Variants in ATP2B2 observed in about 807,000 individuals in gnomAD.
ATP2B2 encodes ATPase plasma membrane Ca2+ transporting 2, also known as plasma membrane calcium-transporting ATPase 2.
Under a neutral mutation model 120.0 loss-of-function variants are expected in ATP2B2, and 15 were observed. The ratio of observed to expected loss-of-function variants is 0.12; its 90% confidence interval spans 0.08 to 0.19. The LOEUF is 0.19. ATP2B2 is among the 10% of genes least tolerant of loss of function. The probability of loss-of-function intolerance (pLI) is 1.00; values close to 1 mark genes in which losing one functional copy is unlikely to be tolerated. For synonymous variants in ATP2B2, 694 were observed against 700.3 expected (o/e 0.99, Z 0.14); for missense variants, 1,045 against 1,719.8 (o/e 0.61, Z 6.94).
At chr3:10,616,032 G>T (rs1455762018) in intron 2 of ATP2B2, among the ~76,000 whole-genome samples, 2 of 152,130 alleles carry the variant, frequency 1.3e-5, no homozygotes, top group Admixed American at 6.5e-5. Flanking sequence ...TAAGGATGGA[G>T]ACATGAGTTT....
At chr3:10,456,950 C>A (rs540899636) in intron 1 of ATP2B2, among the ~76,000 whole-genome samples, 1 of 152,348 alleles carries the variant, frequency 6.6e-6, no homozygotes, top group South Asian at 2.1e-4. Context: ...GGGCCAACAG[C>A]TCCTCCCTTG....
chr3:10,342,834 C>A lies in ATP2B2; in HGVS notation c.2835G>T (p.Pro945=), dbSNP rs374714860. 1.4e-5 allele frequency: 22 copies of A among 1,613,822 alleles called. No individual in the cohort carries two copies. Among genetic ancestry groups the A allele is most frequent in the Non-Finnish European group, 1.9e-5 (22 of 1,179,928 alleles). ...TCTTCATCATGGTCCTGGAGATGAG[C>A]GGCTTGTTGCGGCCGTACGGCTTCC... The part of the protein sequence containing the change: ...LLRKPYGRNK[P]LISRTMMKNI... The change falls in exon 19 of 23, where the codon CCG becomes CCT. Residue 945 remains proline, a synonymous_variant. Coordinates refer to ENST00000360273, the MANE Select transcript of ATP2B2 (RefSeq NM_001001331.4). The surrounding 1 kb of genome is among the most constrained non-coding windows in gnomAD (Gnocchi z 4.4).
rs371691192 is a variant in ATP2B2 at position 10,612,115 on chromosome 3, G to A, written c.-415+7802C>T. 2.1e-4 allele frequency among the ~76,000 whole-genome samples: 32 copies of A among 152,234 alleles called. 1 individual carries two copies. In the East Asian group the frequency reaches 4.2e-3, roughly 20 times the overall value. On this transcript the variant is annotated intron_variant, in intron 2 of 21. Coordinates refer to the ATP2B2 transcript ENST00000646379. ...CCTACAACTCCTGGCTCAGCACTGG[G>A]CACACGGCAGGTGCTGCATATGCTC... is the stretch of plus-strand genomic sequence containing the variant.
chr3:10,665,284 G>C (rs1272254279), intron 1 of ATP2B2, among the ~76,000 whole-genome samples: 2 of 152,136 alleles, frequency 1.3e-5, no homozygotes, highest in Admixed American at 6.5e-5. Context: ...TGCACAGGCT[G>C]AGCTCTCTGT....
At chr3:10,485,518 C>T (rs375257452) in intron 1 of ATP2B2, among the ~76,000 whole-genome samples, 4 of 152,200 alleles carry the variant, frequency 2.6e-5, no homozygotes, top group South Asian at 2.1e-4. Context: ...TCCTCTCCTG[C>T]GCCCGCTCCC....
chr3:10,397,888 C>G (rs2062092793), intron 5 of ATP2B2, among the ~76,000 whole-genome samples: 1 of 152,212 alleles, frequency 6.6e-6, no homozygotes, highest in Non-Finnish European at 1.5e-5. Context: ...CCAACTGTTA[C>G]AGAATTCTCT....
Position 10,329,065 on chromosome 3 carries a change from G to C in ATP2B2, c.3481C>G (p.Arg1161Gly). Residue 1161 changes from arginine (R) to glycine (G), a missense_variant, in exon 23 of 23, where the codon CGA becomes GGA. Transcript: ENST00000360273. The surrounding 1 kb of genome is among the most constrained non-coding windows in gnomAD (Gnocchi z 5.9). ...LYEGLEKPES[R>G]TSIHNFMAHP... The stretch of plus-strand genomic sequence containing the variant: ...GCCATGAAGTTATGGATGGAGGTTC[G>C]AGATTCAGGCTTTTCTAAACCTTCA... 6.2e-7 allele frequency: 1 copy of C among 1,613,722 alleles called. No homozygotes were observed.
In ATP2B2 at chr3:10,510,785, C is replaced by T. The variant is rs140951431; in HGVS notation, c.-320+23254G>A. Among the ~76,000 whole-genome samples the T allele has an allele frequency of 7.2e-3, 1,103 of 152,318 alleles. 6 individuals are homozygous for T. Among genetic ancestry groups the T allele is most frequent in the Non-Finnish European group, 0.013 (859 of 68,008 alleles). Reference sequence around the variant, plus strand: ...TCTGGGGCAGACTGCCTTTCCCAGGCACAAGGCCATGGTCTCATCTGCGCT... The same window carrying T: ...TCTGGGGCAGACTGCCTTTCCCAGGTACAAGGCCATGGTCTCATCTGCGCT... On this transcript the variant is annotated intron_variant, in intron 3 of 21. Coordinates refer to the ATP2B2 transcript ENST00000646379.
At chr3:10,626,868 ACACACACAC>A (rs2069717196) in intron 1 of ATP2B2, 1 of 164 alleles carries the variant, frequency 6.1e-3, no homozygotes, top group Non-Finnish European at 0.029. Context: ...GTAGTGAGAC[ACACACACAC>A]ACACACACAC....
In ATP2B2 at chr3:10,350,218, G is replaced by T. The variant is rs1308549259; in HGVS notation, c.2317-19C>A. The stretch of plus-strand genomic sequence containing the variant: ...GCTCAATCTGGAGAGGGATGGGGAA[G>T]GGGGCGGGTCGGTGGGGTCGGGGAG... On this transcript the variant is annotated intron_variant, in intron 15 of 22. Coordinates refer to ENST00000360273, the MANE Select transcript of ATP2B2 (RefSeq NM_001001331.4). The T allele has an allele frequency of 6.2e-7, 1 of 1,604,420 alleles. No homozygotes were observed. Among genetic ancestry groups the T allele is most frequent in the Non-Finnish European group, 8.5e-7 (1 of 1,172,324 alleles).
intron 1 of ATP2B2, among the ~76,000 whole-genome samples, chr3:10,666,716 C>T (rs547134992): frequency 6.6e-6 from 1 of 152,332 alleles, no homozygotes; most frequent in Admixed American, 6.5e-5. Context: ...GGCTCAGTCC[C>T]TCCAGCTCCG....
Position 10,362,858 on chromosome 3 carries a change from A to G in ATP2B2, c.1660-2735T>C, listed in dbSNP as rs2060941338. Among the ~76,000 whole-genome samples the G allele has an allele frequency of 2.6e-5, 4 of 152,198 alleles. No individual in the cohort carries two copies. In the South Asian group the frequency reaches 8.3e-4, roughly 32 times the overall value. ...CTGTTATTGTGTGCTATACATATAT[A>G]TACATATACATATATATATATATCT... On this transcript the variant is annotated intron_variant, in intron 12 of 22. Transcript: ENST00000360273.
chr3:10,699,661 G>C (rs1169210151), intron 1 of ATP2B2, among the ~76,000 whole-genome samples: 1 of 152,160 alleles, frequency 6.6e-6, no homozygotes, highest in Non-Finnish European at 1.5e-5. Context: ...TCATGCATTA[G>C]AAACTTAATC....
intron 1 of ATP2B2, among the ~76,000 whole-genome samples, chr3:10,471,201 C>A (rs967436417): frequency 1.3e-5 from 2 of 152,198 alleles, no homozygotes; most frequent in Non-Finnish European, 2.9e-5. Flanking sequence ...GTGTCTCCAG[C>A]GCGCGGCTGT....
rs79972601 is a variant in ATP2B2, at chr3:10,691,578, C to T, written c.-460+16337G>A. Among the ~76,000 whole-genome samples, 901 of 152,340 alleles carry T rather than the reference C, an allele frequency of 5.9e-3. 8 individuals are homozygous for T. Among genetic ancestry groups the T allele is most frequent in the Non-Finnish European group, 8.7e-3 (592 of 68,028 alleles). ...CACGTTCACCTCTTCTGTTTCTCCACGTCAGCTCCCCGACTCTGGGCCTGA... is the reference window on the plus strand; with the variant it reads ...CACGTTCACCTCTTCTGTTTCTCCATGTCAGCTCCCCGACTCTGGGCCTGA... On this transcript the variant is annotated intron_variant, in intron 1 of 21. Transcript: ENST00000646379.
intron 2 of ATP2B2, chr3:10,566,310 C>G (rs937812296): frequency 6.6e-6 from 1 of 152,224 alleles, no homozygotes; most frequent in African/African-American, 2.4e-5. Context: ...GGAGGCAGGG[C>G]AGGATTCAGT....
chr3:10,443,493 C>T (rs866081090), intron 2 of ATP2B2, among the ~76,000 whole-genome samples: 35 of 152,274 alleles, frequency 2.3e-4, no homozygotes, highest in African/African-American at 8.4e-4. Flanking sequence ...TGGGGCGGGG[C>T]TTATGAGGAA....
At chr3:10,350,870 C>T (rs2060560305) in intron 14 of ATP2B2, among the ~76,000 whole-genome samples, 1 of 152,210 alleles carries the variant, frequency 6.6e-6, no homozygotes, top group African/African-American at 2.4e-5. Flanking sequence ...GAGACAGAAC[C>T]ATTGGCTGTC....
At chr3:10,666,118 C>T (rs1325177400) in intron 1 of ATP2B2, among the ~76,000 whole-genome samples, 1 of 152,164 alleles carries the variant, frequency 6.6e-6, no homozygotes, top group African/African-American at 2.4e-5. Context: ...CCCCTGGCTG[C>T]CCTACCTGAG....
Sources: gnomAD v4.1 joint callset for allele counts (sites outside exome capture counted in the v4.1 genomes callset) on GRCh38, gnomAD v4.1.1 for gene constraint, Gnocchi (gnomAD v3.1) non-coding constraint, MANE v1.5 for transcripts, NCBI Gene and HGNC (gene_info 2026-07-23, HGNC 2026-07-21) for gene names.